KIRREL3: variants seen among roughly 807,000 people sequenced by gnomAD.
The protein encoded by KIRREL3 is kin of IRRE-like protein 3.
A neutral mutation model predicts 89.7 loss-of-function variants in KIRREL3; 36 were observed. The observed-to-expected ratio is 0.40, with a 90% confidence interval of 0.31 to 0.53. The LOEUF is 0.53. KIRREL3 is among the 20% of genes least tolerant of loss of function. The pLI, the probability that KIRREL3 is intolerant of heterozygous loss-of-function variation, is 0.49. For synonymous variants in KIRREL3, 445 were observed against 441.4 expected, an observed-to-expected ratio of 1.01 and a Z score of -0.10; for missense variants, 864 against 1,056.6, an observed-to-expected ratio of 0.82 and a Z score of 2.53.
intron 1 of KIRREL3, among the ~76,000 whole-genome samples, chr11:126,699,812 G>A (rs781459429): frequency 4.6e-5 from 7 of 152,120 alleles, no homozygotes; most frequent in Non-Finnish European, 8.8e-5. Flanking sequence ...TTAGGCCCGC[G>A]AAGTAATTCG....
intron 1 of KIRREL3, among the ~76,000 whole-genome samples, chr11:126,949,899 C>G (rs1027591120): frequency 1.3e-5 from 2 of 152,118 alleles, no homozygotes; most frequent in Admixed American, 1.3e-4. Flanking sequence ...ATCGAGTTCT[C>G]CACTGTGTAC....
chr11:126,798,382 A>T (rs575012352), intron 1 of KIRREL3, among the ~76,000 whole-genome samples: 2 of 152,120 alleles, frequency 1.3e-5, no homozygotes, highest in African/African-American at 4.8e-5. Context: ...CAGGGCATTG[A>T]GTATCCAGTG....
At chr11:126,506,217 A>G (rs1485156773) in intron 4 of KIRREL3, among the ~76,000 whole-genome samples, 1 of 149,482 alleles carries the variant, frequency 6.7e-6, no homozygotes, top group African/African-American at 2.5e-5. Context: ...CTTAGAGACA[A>G]TATCAAAAAC....
rs1939241683 is a variant in KIRREL3 at position 126,551,308 on chromosome 11, A to AGTG, written c.133+11524_133+11526dup. On this transcript the variant is annotated intron_variant, in intron 2 of 16. Transcript: ENST00000525144. The surrounding 1 kb of genome is among the most constrained non-coding windows in gnomAD (Gnocchi z 4.9). ...AGGGTCTTAAGACCCACAATCAGAA[A>AGTG]GTGGTGAAAGGTTAGAGTCCTGCGA... Among the ~76,000 whole-genome samples, 1 of 152,092 alleles carries AGTG rather than the reference A, an allele frequency of 6.6e-6. No homozygotes were observed. The highest frequency in any genetic ancestry group is 1.5e-5 in the Non-Finnish European group (1 of 68,016).
chr11:126,849,948 G>A lies in KIRREL3; in HGVS notation c.55+150507C>T, dbSNP rs534575050. ...AATCAAAGCTGACAACTCCCAAAAT[G>A]GTATGAAAACGCTTTTTAGTGTCCA... On this transcript the variant is annotated intron_variant, in intron 1 of 16. Coordinates refer to ENST00000525144, the MANE Select transcript of KIRREL3 (RefSeq NM_032531.4). Among the ~76,000 whole-genome samples, 136 of 104,356 alleles carry A rather than the reference G, an allele frequency of 1.3e-3. 2 individuals are homozygous for A. The highest frequency in any genetic ancestry group is 5.1e-3 in the African/African-American group (124 of 24,436). 68.5% of individuals were successfully genotyped at this position (104,356 alleles called of 152,430 possible).
chr11:126,485,183 C>G lies in KIRREL3; in HGVS notation c.434-11717G>C, dbSNP rs1299369439. Among the ~76,000 whole-genome samples, 2 of 152,122 alleles carry G rather than the reference C, an allele frequency of 1.3e-5. No homozygotes were observed. Among genetic ancestry groups the G allele is most frequent in the Non-Finnish European group, 2.9e-5 (2 of 68,032 alleles). ...TGGCAGCACAATCGCACAGACGTGTCTCCAAGGAGGTTGGGGACAGAGAGA... is the reference window on the plus strand; with the variant it reads ...TGGCAGCACAATCGCACAGACGTGTGTCCAAGGAGGTTGGGGACAGAGAGA... On this transcript the variant is annotated intron_variant, in intron 4 of 16. Transcript: ENST00000525144. The surrounding 1 kb of genome is among the most constrained non-coding windows in gnomAD (Gnocchi z 5.8).
At position 126,872,281 on chromosome 11, in the gene KIRREL3, C is replaced by T. The variant is rs542750200; in HGVS notation, c.55+128174G>A. On this transcript the variant is annotated intron_variant, in intron 1 of 16. Transcript: ENST00000525144. The surrounding 1 kb of genome is among the most constrained non-coding windows in gnomAD (Gnocchi z 4.2). ...TTACCTTGTATGGTTCCAGAAACTC[C>T]CTGCCCCTTTTCTAGAAAGATCTAA... Among the ~76,000 whole-genome samples the T allele has an allele frequency of 1.3e-3, 199 of 152,310 alleles. No individual in the cohort carries two copies. Among genetic ancestry groups the T allele is most frequent in the Non-Finnish European group, 2.2e-3 (149 of 68,020 alleles).
chr11:126,907,156 A>G (rs1946620705), intron 1 of KIRREL3, among the ~76,000 whole-genome samples: 2 of 151,928 alleles, frequency 1.3e-5, no homozygotes, highest in Admixed American at 1.3e-4. Context: ...GAAACTACCT[A>G]CCTTCCATTT....
At position 126,684,898 on chromosome 11, in the gene KIRREL3, G is replaced by A. The variant is rs1946609441; in HGVS notation, c.56-121986C>T. On this transcript the variant is annotated intron_variant, in intron 1 of 16. Coordinates refer to ENST00000525144, the MANE Select transcript of KIRREL3 (RefSeq NM_032531.4). The surrounding 1 kb of genome is among the most constrained non-coding windows in gnomAD (Gnocchi z 4.2). ...GAAGTTGATGGTCTGGTCACTAATGGTCCTCAGCAGGACAGGCTTCTTTGT... is the reference window on the plus strand; with the variant it reads ...GAAGTTGATGGTCTGGTCACTAATGATCCTCAGCAGGACAGGCTTCTTTGT... Among the ~76,000 whole-genome samples, 1 of 152,102 alleles carries A rather than the reference G, an allele frequency of 6.6e-6. No individual in the cohort carries two copies. Among genetic ancestry groups the A allele is most frequent in the Admixed American group, 6.5e-5 (1 of 15,278 alleles).
intron 2 of KIRREL3, among the ~76,000 whole-genome samples, chr11:126,534,362 T>G (rs1959036981): frequency 6.6e-6 from 1 of 152,316 alleles, no homozygotes; most frequent in East Asian, 1.9e-4. Context: ...AGGCTGCGTG[T>G]GCATGAACCT....
At chr11:126,699,747 GA>G (rs971454705) in intron 1 of KIRREL3, among the ~76,000 whole-genome samples, 30 of 152,214 alleles carry the variant, frequency 2.0e-4, no homozygotes, top group African/African-American at 7.2e-4. Flanking sequence ...TTATTAAGGA[GA>G]AAAAATTGTA....
rs559264061 is a variant in KIRREL3 at position 126,975,141 on chromosome 11, C to T, written c.55+25314G>A. On this transcript the variant is annotated intron_variant, in intron 1 of 16. Coordinates refer to ENST00000525144, the MANE Select transcript of KIRREL3 (RefSeq NM_032531.4). Reference sequence around the variant, plus strand: ...CACTATTATTATCTTATAAGACCACCGTCATATATGCAGTCGGTCCTTGAC... The same window carrying T: ...CACTATTATTATCTTATAAGACCACTGTCATATATGCAGTCGGTCCTTGAC... Among the ~76,000 whole-genome samples the T allele has an allele frequency of 1.1e-4, 16 of 152,218 alleles. No individual in the cohort carries two copies. In the South Asian group the frequency reaches 2.7e-3, roughly 26 times the overall value.
chr11:126,453,857 G>T (rs1245729691), intron 7 of KIRREL3, among the ~76,000 whole-genome samples: 1 of 152,110 alleles, frequency 6.6e-6, no homozygotes, highest in Non-Finnish European at 1.5e-5. Context: ...GAACTAGTGA[G>T]TCTCTGCAGG....
intron 1 of KIRREL3, among the ~76,000 whole-genome samples, chr11:126,658,987 C>T (rs570565186): frequency 6.6e-6 from 1 of 152,328 alleles, no homozygotes; most frequent in Non-Finnish European, 1.5e-5. Context: ...CCTTCTATCT[C>T]ACAAGGAGAC....
intron 1 of KIRREL3, chr11:126,935,345 C>G (rs1948140179): frequency 6.6e-6 from 1 of 151,770 alleles, no homozygotes; most frequent in Non-Finnish European, 1.5e-5. Context: ...AACATACTCT[C>G]ACTATATGTT....
rs1295447817 is a variant in KIRREL3, at chr11:126,807,570, A to G, written c.55+192885T>C. ...TAGGGAACACAGGTTTCGTGCATTC[A>G]TAGACACACGGAACCTCATGCAGGT... On this transcript the variant is annotated intron_variant, in intron 1 of 16. Coordinates refer to ENST00000525144, the MANE Select transcript of KIRREL3 (RefSeq NM_032531.4). This position sits in a 1 kb window ranked among gnomAD's most constrained non-coding sequence, Gnocchi z 4.3. 6.6e-6 allele frequency among the ~76,000 whole-genome samples: 1 copy of G among 152,248 alleles called. No individual in the cohort carries two copies. The highest frequency in any genetic ancestry group is 1.5e-5 in the Non-Finnish European group (1 of 68,038).
At chr11:126,464,223 G>A (rs1267058797) in intron 5 of KIRREL3, among the ~76,000 whole-genome samples, 2 of 151,852 alleles carry the variant, frequency 1.3e-5, no homozygotes, top group Non-Finnish European at 2.9e-5. Context: ...AGAGAAGAGA[G>A]TCTGCTGGGT....
chr11:126,914,380 G>T (rs1424618223), intron 1 of KIRREL3, among the ~76,000 whole-genome samples: 1 of 152,176 alleles, frequency 6.6e-6, no homozygotes, highest in East Asian at 1.9e-4. Flanking sequence ...GATGAGACAT[G>T]GTTTCCATTC....
At chr11:126,439,026 A>G (rs1329835405) in intron 11 of KIRREL3, among the ~76,000 whole-genome samples, 1 of 152,216 alleles carries the variant, frequency 6.6e-6, no homozygotes, top group Non-Finnish European at 1.5e-5. Context: ...GAGTAGTGCT[A>G]TAAAATGCTC....
Sources: gnomAD v4.1 joint callset for allele counts (sites outside exome capture counted in the v4.1 genomes callset) on GRCh38, gnomAD v4.1.1 for gene constraint, Gnocchi (gnomAD v3.1) non-coding constraint, MANE v1.5 for transcripts, NCBI Gene and HGNC (gene_info 2026-07-23, HGNC 2026-07-21) for gene names.